The following SEC22A variants were observed in gnomAD, a reference collection of about 807,000 sequenced individuals.
The protein encoded by SEC22A is SEC22 homolog A, vesicle trafficking protein.
A neutral mutation model predicts 35.3 loss-of-function variants in SEC22A; 22 were observed. The ratio of observed to expected loss-of-function variants is 0.62; its 90% confidence interval spans 0.45 to 0.89. The LOEUF (loss-of-function observed/expected upper bound fraction) is 0.89. Among genes scored for constraint, SEC22A ranks in the 40% least tolerant of loss-of-function variants. SEC22A has a pLI of 0.00. For missense variants in SEC22A, 354 were observed against 362.5 expected, an observed-to-expected ratio of 0.98 and a Z score of 0.19; for synonymous variants, 119 against 129.5, an observed-to-expected ratio of 0.92 and a Z score of 0.55.
intron 1 of SEC22A, among the ~76,000 whole-genome samples, chr3:123,202,537 C>A (rs1193920835): frequency 1.3e-5 from 2 of 151,984 alleles, no homozygotes; most frequent in Non-Finnish European, 2.9e-5. Flanking sequence ...CTCTTGAGAC[C>A]CTGTCTCAAG....
At chr3:123,251,392 T>C (rs1559761393) in intron 5 of SEC22A, among the ~76,000 whole-genome samples, 2 of 152,220 alleles carry the variant, frequency 1.3e-5, no homozygotes, top group Non-Finnish European at 2.9e-5. Context: ...TGTCTTAGAC[T>C]AAATTACTCT....
intron 2 of SEC22A, 90 bp from the exon 3 acceptor site, chr3:123,223,468 GC>G: frequency 1.1e-6 from 1 of 939,262 alleles, no homozygotes; most frequent in Non-Finnish European, 1.6e-6. Flanking sequence ...CACCGTAGTA[GC>G]AGTTTATGGT....
chr3:123,261,114 C>T (rs1342908654), intron 6 of SEC22A, among the ~76,000 whole-genome samples: 4 of 151,936 alleles, frequency 2.6e-5, no homozygotes, highest in African/African-American at 7.3e-5. Context: ...GGATTACAGG[C>T]GTGAGCCACC....
At chr3:123,244,345 G>C (rs967357053) in intron 4 of SEC22A, among the ~76,000 whole-genome samples, 7 of 152,310 alleles carry the variant, frequency 4.6e-5, no homozygotes, top group East Asian at 1.9e-4. Flanking sequence ...CACAACGCCA[G>C]CTGTCCTTCA....
chr3:123,222,330 C>G (rs1028235729), intron 2 of SEC22A, among the ~76,000 whole-genome samples: 1 of 152,118 alleles, frequency 6.6e-6, no homozygotes, highest in Admixed American at 6.5e-5. Context: ...TCCTGAATAG[C>G]TGGGATTACA....
intron 4 of SEC22A, among the ~76,000 whole-genome samples, chr3:123,235,042 T>C (rs1473232500): frequency 2.0e-5 from 3 of 148,072 alleles, no homozygotes; most frequent in African/African-American, 7.5e-5. Flanking sequence ...AAAAAATAGA[T>C]AAGGTGGACA....
intron 5 of SEC22A, among the ~76,000 whole-genome samples, chr3:123,251,562 A>C (rs924622511): frequency 1.3e-5 from 2 of 151,914 alleles, no homozygotes; most frequent in Non-Finnish European, 2.9e-5. Flanking sequence ...ACATACACTC[A>C]TTTAGTAGTT....
intron 5 of SEC22A, 81 bp downstream of exon 5, chr3:123,246,095 T>C: frequency 1.3e-6 from 1 of 748,654 alleles, no homozygotes; most frequent in Non-Finnish European, 2.4e-6. Flanking sequence ...TTGGATTGGG[T>C]ATTAGTATAA....
intron 2 of SEC22A, among the ~76,000 whole-genome samples, chr3:123,216,180 T>C (rs1937019432): frequency 6.6e-6 from 1 of 152,212 alleles, no homozygotes; most frequent in Non-Finnish European, 1.5e-5. Context: ...GTACAGTTTC[T>C]GTGGGAAAAT....
intron 5 of SEC22A, among the ~76,000 whole-genome samples, chr3:123,252,711 T>C (rs1461469269): frequency 6.6e-6 from 1 of 152,226 alleles, no homozygotes; most frequent in East Asian, 1.9e-4. Flanking sequence ...TTGCATGTTA[T>C]TAATGGTGTT....
At position 123,223,599 on chromosome 3, in the gene SEC22A, A is replaced by G; in HGVS notation, c.223A>G (p.Thr75Ala). 6.2e-7 allele frequency: 1 copy of G among 1,613,808 alleles called. No individual in the cohort carries two copies. Among genetic ancestry groups the G allele is most frequent in the Non-Finnish European group, 8.5e-7 (1 of 1,179,784 alleles). ...GGGAGTGAGCTACATGATGTTGTGC[A>G]CTGAAAATTACCCAAATGTTCTCGC... ...SLGVSYMMLC[T>A]ENYPNVLAFS... Residue 75 changes from threonine to alanine, a missense_variant, in exon 3 of 7, where the codon ACT becomes GCT. By Grantham distance (58) the Thr-to-Ala change is moderately conservative. Coordinates refer to ENST00000492595, the MANE Select transcript of SEC22A (RefSeq NM_012430.5).
chr3:123,258,647 T>A (rs907450930), intron 5 of SEC22A, among the ~76,000 whole-genome samples: 1 of 152,148 alleles, frequency 6.6e-6, no homozygotes, highest in African/African-American at 2.4e-5. Context: ...AATTTTTCCT[T>A]TATACTATTT....
At chr3:123,250,901 TTGAG>T (rs1451566393) in intron 5 of SEC22A, among the ~76,000 whole-genome samples, 2 of 152,148 alleles carry the variant, frequency 1.3e-5, no homozygotes, top group East Asian at 1.9e-4. Context: ...AGATGGAAAA[TTGAG>T]TGGGAATGAG....
chr3:123,207,891 A>G (rs1936876954), intron 1 of SEC22A, among the ~76,000 whole-genome samples: 6 of 152,200 alleles, frequency 3.9e-5, no homozygotes. Context: ...CAACATTAAA[A>G]CCAATATTCC....
At chr3:123,245,864 G>C in intron 4 of SEC22A, 35 bp from the exon 5 acceptor site, 1 of 1,159,504 alleles carries the variant, frequency 8.6e-7, no homozygotes, top group Non-Finnish European at 1.3e-6. Context: ...GTGAGGTATT[G>C]GTGTTCATTT....
intron 2 of SEC22A, among the ~76,000 whole-genome samples, chr3:123,217,753 T>G (rs981113876): frequency 6.6e-6 from 1 of 152,242 alleles, no homozygotes; most frequent in African/African-American, 2.4e-5. Context: ...TCTATGTACC[T>G]TGTCATTTAG....
intron 5 of SEC22A, among the ~76,000 whole-genome samples, chr3:123,254,832 C>T (rs1221121807): frequency 2.0e-5 from 3 of 152,018 alleles, no homozygotes. Context: ...GTGCTGCACC[C>T]ATTAACTCGT....
chr3:123,261,986 C>A (rs1470750555), intron 6 of SEC22A, among the ~76,000 whole-genome samples: 1 of 152,170 alleles, frequency 6.6e-6, no homozygotes. Context: ...AAAAGAAAAG[C>A]AGAAAACTAA....
intron 6 of SEC22A, 146 bp from the exon 7 acceptor site, chr3:123,271,376 T>TA (rs1938154806): frequency 1.6e-6 from 1 of 637,514 alleles, no homozygotes; most frequent in Non-Finnish European, 2.7e-6. Flanking sequence ...ATGTCTTAGA[T>TA]ATATGCTACA....
Sources: allele counts gnomAD v4.1 joint callset (sites outside exome capture counted in the v4.1 genomes callset), GRCh38; gene constraint gnomAD v4.1.1; transcripts MANE v1.5; gene names NCBI Gene and HGNC (gene_info 2026-07-23, HGNC 2026-07-21).